The following BMPR2 variants were observed in gnomAD, a reference collection of about 807,000 sequenced individuals.
BMPR2 encodes the protein bone morphogenetic protein receptor type-2.
BMPR2 carries 29 observed loss-of-function variants against 100.8 expected under a neutral mutation model. The observed-to-expected ratio is 0.29, with a 90% CI of 0.21 to 0.39. The LOEUF (loss-of-function observed/expected upper bound fraction) is 0.39. Ranked by LOEUF, BMPR2 falls within the 10% of genes least tolerant of loss-of-function variation. BMPR2 has a pLI of 1.00. For synonymous variants in BMPR2, 382 were observed against 442.3 expected, an observed-to-expected ratio of 0.86 and a Z score of 1.71; for missense variants, 1,011 against 1,274.5, an observed-to-expected ratio of 0.79 and a Z score of 3.15.
At position 202,532,813 on chromosome 2, in the gene BMPR2, A is replaced by C; in HGVS notation, c.1276+81A>C. 1 of 1,449,882 alleles carries C rather than the reference A, an allele frequency of 6.9e-7. No homozygotes were observed. Among genetic ancestry groups the C allele is most frequent in the South Asian group, 1.2e-5 (1 of 83,776 alleles). The allele number at this position is 1,449,882 out of a possible 1,614,324, so 89.8% of individuals were successfully genotyped here. The stretch of plus-strand genomic sequence containing the variant: ...TTCTCTACCTATAGTACCTAACTCA[A>C]CTTTTATGTAAGAATCTTTTTACTT... On this transcript the variant is annotated intron_variant, in intron 9 of 12. Coordinates refer to ENST00000374580, the MANE Select transcript of BMPR2 (RefSeq NM_001204.7). The surrounding 1 kb of genome is among the most constrained non-coding windows in gnomAD (Gnocchi z 4.1).
chr2:202,376,454 C>G lies in BMPR2; in HGVS notation c.-1021C>G, dbSNP rs1690142276. ...CCTTCATCCGCCCTCCCGCCGCCCC[C>G]CGCCCTCGGTCCGCGACGCCCGAGT... On this transcript the variant is annotated 5_prime_UTR_variant, in exon 1 of 13. Transcript: ENST00000374580. 6.8e-6 allele frequency among the ~76,000 whole-genome samples: 1 copy of G among 147,190 alleles called. No individual in the cohort carries two copies. Among genetic ancestry groups the G allele is most frequent in the Non-Finnish European group, 1.5e-5 (1 of 66,576 alleles).
At chr2:202,456,315 G>GCGCCCACCACCA (rs1173756164) in intron 1 of BMPR2, among the ~76,000 whole-genome samples, 1 of 149,620 alleles carries the variant, frequency 6.7e-6, no homozygotes, top group African/African-American at 2.5e-5. Context: ...GGGATTACAG[G>GCGCCCACCACCA]CGCCCACCAC....
chr2:202,507,447 T>C (rs1264519174), intron 3 of BMPR2, among the ~76,000 whole-genome samples: 1 of 152,166 alleles, frequency 6.6e-6, no homozygotes, highest in Non-Finnish European at 1.5e-5. Context: ...TGGAGTGTGG[T>C]AACACAATTA....
At chr2:202,418,762 T>G (rs1691193356) in intron 1 of BMPR2, among the ~76,000 whole-genome samples, 1 of 152,180 alleles carries the variant, frequency 6.6e-6, no homozygotes, top group Non-Finnish European at 1.5e-5. Context: ...AGCTTCCTTG[T>G]AGCAGGCTTC....
At chr2:202,558,503 C>G (rs1228233968) in intron 12 of BMPR2, among the ~76,000 whole-genome samples, 1 of 152,166 alleles carries the variant, frequency 6.6e-6, no homozygotes, top group Non-Finnish European at 1.5e-5. Flanking sequence ...ATACAGGTCT[C>G]AAAACACAAT....
chr2:202,517,525 T>C (rs1468372820), intron 5 of BMPR2, among the ~76,000 whole-genome samples: 1 of 152,008 alleles, frequency 6.6e-6, no homozygotes, highest in East Asian at 1.9e-4. Context: ...CTAATTTTTG[T>C]ATTTCTAGTA....
intron 1 of BMPR2, among the ~76,000 whole-genome samples, chr2:202,399,257 G>A (rs141604311): frequency 3.0e-4 from 45 of 152,280 alleles, no homozygotes; most frequent in African/African-American, 1.1e-3. Flanking sequence ...AGATAAAGGG[G>A]GTCAGTGAAG....
At chr2:202,447,078 T>C in intron 1 of BMPR2, among the ~76,000 whole-genome samples, 1 of 148,850 alleles carries the variant, frequency 6.7e-6, no homozygotes, top group African/African-American at 2.6e-5. Flanking sequence ...GAGGCCGAGG[T>C]GGGCGGATCA....
chr2:202,435,751 A>T (rs1691603139), intron 1 of BMPR2, among the ~76,000 whole-genome samples: 1 of 150,206 alleles, frequency 6.7e-6, no homozygotes, highest in Admixed American at 6.6e-5. Context: ...TTTTTGCTCT[A>T]CTTTTTCTGT....
At chr2:202,426,987 TATG>T (rs1323075560) in intron 1 of BMPR2, among the ~76,000 whole-genome samples, 1 of 152,202 alleles carries the variant, frequency 6.6e-6, no homozygotes, top group Non-Finnish European at 1.5e-5. Context: ...TCAGGCGAGA[TATG>T]ATGATACTCA....
chr2:202,472,668 AAGAG>A (rs571207146), intron 3 of BMPR2, among the ~76,000 whole-genome samples: 1 of 152,206 alleles, frequency 6.6e-6, no homozygotes, highest in Non-Finnish European at 1.5e-5. Context: ...AAGAAAAAGA[AAGAG>A]AGAAAGTGAA....
chr2:202,431,239 T>G (rs1691497120), intron 1 of BMPR2, among the ~76,000 whole-genome samples: 1 of 150,676 alleles, frequency 6.6e-6, no homozygotes, highest in Admixed American at 6.6e-5. Flanking sequence ...GAAAGCATGG[T>G]ATAAAGATAA....
chr2:202,536,556 C>T (rs1276296127), intron 9 of BMPR2, among the ~76,000 whole-genome samples: 2 of 151,820 alleles, frequency 1.3e-5, no homozygotes, highest in African/African-American at 2.4e-5. Context: ...CTGAAAATAG[C>T]AGTAATTGCA....
chr2:202,503,442 G>A lies in BMPR2; in HGVS notation c.419-10277G>A, dbSNP rs1002341895. Among the ~76,000 whole-genome samples, 9 of 152,380 alleles carry A rather than the reference G, an allele frequency of 5.9e-5. No individual in the cohort carries two copies. Among genetic ancestry groups the A allele is most frequent in the Non-Finnish European group, 1.0e-4 (7 of 68,034 alleles). ...GCGCTTGCGGGCCAGCCGGAGTTCC[G>A]GTTGGGCATGGGCTTGGCGGGCCCC... On this transcript the variant is annotated intron_variant, in intron 3 of 12. Coordinates refer to ENST00000374580, the MANE Select transcript of BMPR2 (RefSeq NM_001204.7). The surrounding 1 kb of genome is among the most constrained non-coding windows in gnomAD (Gnocchi z 4.0).
chr2:202,395,837 G>C (rs1690647110), intron 1 of BMPR2, among the ~76,000 whole-genome samples: 2 of 152,212 alleles, frequency 1.3e-5, no homozygotes, highest in African/African-American at 4.8e-5. Context: ...TCGGGAGGCT[G>C]AGGCAGGAGG....
chr2:202,418,383 A>G (rs1326506969), intron 1 of BMPR2, among the ~76,000 whole-genome samples: 1 of 152,222 alleles, frequency 6.6e-6, no homozygotes, highest in Non-Finnish European at 1.5e-5. Context: ...CTGTAAATTT[A>G]TCTTGACATT....
intron 4 of BMPR2, among the ~76,000 whole-genome samples, chr2:202,514,358 G>A (rs559023943): frequency 2.0e-5 from 3 of 152,110 alleles, no homozygotes; most frequent in East Asian, 3.9e-4. Flanking sequence ...GGATGGTCTC[G>A]ATCTCCTGAC....
At position 202,492,660 on chromosome 2, in the gene BMPR2, ATTGCACTCTAGCCTGGGCGACAATAGCG is replaced by A. The variant is rs1353555974; in HGVS notation, c.419-21058_419-21031del. Among the ~76,000 whole-genome samples the A allele has an allele frequency of 2.9e-5, 4 of 137,676 alleles. No individual in the cohort carries two copies. In the East Asian group the frequency reaches 9.4e-4, roughly 32 times the overall value. 90.3% of individuals were successfully genotyped at this position (137,676 alleles called of 152,430 possible). On this transcript the variant is annotated intron_variant, in intron 3 of 12. Coordinates refer to ENST00000374580, the MANE Select transcript of BMPR2 (RefSeq NM_001204.7). Reference sequence around the variant, plus strand: ...GGTTGCAGTAAACAGAGATCCCGCCATTGCACTCTAGCCTGGGCGACAATAGCGAAGCTCTGTCTCAAAAAAAAAAAAA... The same window carrying A: ...GGTTGCAGTAAACAGAGATCCCGCCAAAGCTCTGTCTCAAAAAAAAAAAAA...
At chr2:202,414,975 G>T (rs1277346613) in intron 1 of BMPR2, among the ~76,000 whole-genome samples, 1 of 152,018 alleles carries the variant, frequency 6.6e-6, no homozygotes, top group East Asian at 1.9e-4. Flanking sequence ...CAGGTGATCC[G>T]CTTCCCTTGG....
Sources: gnomAD v4.1 joint callset for allele counts (sites outside exome capture counted in the v4.1 genomes callset) on GRCh38, gnomAD v4.1.1 for gene constraint, Gnocchi (gnomAD v3.1) non-coding constraint, MANE v1.5 for transcripts, NCBI Gene and HGNC (gene_info 2026-07-23, HGNC 2026-07-21) for gene names.